CSGALNACT1: variants seen among roughly 807,000 people sequenced by gnomAD.
CSGALNACT1 encodes chondroitin sulfate N-acetylgalactosaminyltransferase 1.
Under a neutral mutation model 51.0 loss-of-function variants are expected in CSGALNACT1, and 52 were observed. That is an observed-to-expected ratio of 1.02 (90% confidence interval 0.82 to 1.29). CSGALNACT1 has a LOEUF of 1.29. Among genes scored for constraint, CSGALNACT1 ranks in the 50% most tolerant of loss-of-function variants. The pLI is 0.00. For missense variants in CSGALNACT1, 935 were observed against 679.2 expected, an observed-to-expected ratio of 1.38 and a Z score of -4.19; for synonymous variants, 341 against 254.4, an observed-to-expected ratio of 1.34 and a Z score of -3.24.
intron 5 of CSGALNACT1, among the ~76,000 whole-genome samples, chr8:19,454,027 T>G (rs4409408): frequency 0.46 from 69,611 of 152,076 alleles, 17,753 homozygotes; most frequent in East Asian, 0.86. Context: ...TCAGGCATTC[T>G]GGCAAAAGCC....
At chr8:19,635,370 C>A (rs558960044) in intron 1 of CSGALNACT1, among the ~76,000 whole-genome samples, 4 of 152,210 alleles carry the variant, frequency 2.6e-5, no homozygotes, top group African/African-American at 7.2e-5. Context: ...GTGTGTTGCC[C>A]TCACTTTAGA....
chr8:19,614,481 C>CA (rs2052720120), intron 1 of CSGALNACT1, among the ~76,000 whole-genome samples: 1 of 152,094 alleles, frequency 6.6e-6, no homozygotes, highest in Non-Finnish European at 1.5e-5. Flanking sequence ...ACTGAGTTAT[C>CA]AATACACAGA....
intron 1 of CSGALNACT1, among the ~76,000 whole-genome samples, chr8:19,609,360 T>C (rs1048238118): frequency 6.7e-6 from 1 of 148,786 alleles, no homozygotes; most frequent in African/African-American, 2.5e-5. Flanking sequence ...GCATACTAGA[T>C]AATGAAGTTT....
At chr8:19,423,937 T>C (rs965814879) in intron 6 of CSGALNACT1, among the ~76,000 whole-genome samples, 1 of 152,188 alleles carries the variant, frequency 6.6e-6, no homozygotes. Context: ...ACTGTTTCCA[T>C]GTGGACCATA....
At chr8:19,648,105 G>A (rs1351765611) in intron 1 of CSGALNACT1, among the ~76,000 whole-genome samples, 1 of 152,124 alleles carries the variant, frequency 6.6e-6, no homozygotes, top group African/African-American at 2.4e-5. Flanking sequence ...TGAATATAAT[G>A]ACAATGTGTT....
Position 19,586,294 on chromosome 8 carries a change from G to C in CSGALNACT1, c.-297+4866C>G, listed in dbSNP as rs376201824. 1.4e-4 allele frequency among the ~76,000 whole-genome samples: 21 copies of C among 152,092 alleles called. No homozygotes were observed. In the East Asian group the frequency reaches 2.3e-3, roughly 17 times the overall value. ...GAGTCGCTTGAACCTGTGATGGGGA[G>C]GCTGCAGTGAGCCAAGATCATGCCA... On this transcript the variant is annotated intron_variant, in intron 3 of 9. Transcript: ENST00000454498.
intron 9 of CSGALNACT1, among the ~76,000 whole-genome samples, chr8:19,407,490 C>T (rs1230483119): frequency 2.6e-5 from 4 of 152,146 alleles, no homozygotes; most frequent in Admixed American, 6.5e-5. Context: ...ATACCCAGGT[C>T]GTGCATAATC....
chr8:19,650,585 G>T (rs755505012), intron 1 of CSGALNACT1, among the ~76,000 whole-genome samples: 2 of 152,148 alleles, frequency 1.3e-5, no homozygotes, highest in African/African-American at 4.8e-5. Context: ...CGGGGTCAAC[G>T]TGGTCCTGGT....
intron 1 of CSGALNACT1, among the ~76,000 whole-genome samples, chr8:19,669,158 T>C (rs2059600919): frequency 6.6e-6 from 1 of 152,206 alleles, no homozygotes; most frequent in Admixed American, 6.5e-5. Context: ...AGAAAATAAT[T>C]TAATCATTGA....
intron 3 of CSGALNACT1, among the ~76,000 whole-genome samples, chr8:19,582,361 A>C (rs7839912): frequency 0.033 from 5,077 of 152,316 alleles, 306 homozygotes; most frequent in African/African-American, 0.11. Flanking sequence ...TACAATGTAC[A>C]TTAGCAAAAC....
intron 3 of CSGALNACT1, among the ~76,000 whole-genome samples, chr8:19,538,319 T>C (rs2084254779): frequency 6.6e-6 from 1 of 151,844 alleles, no homozygotes; most frequent in East Asian, 1.9e-4. Flanking sequence ...CAAGATCCTG[T>C]CTGAAAAGGG....
At chr8:19,610,630 C>T (rs2052108280) in intron 1 of CSGALNACT1, among the ~76,000 whole-genome samples, 1 of 152,190 alleles carries the variant, frequency 6.6e-6, no homozygotes, top group Admixed American at 6.6e-5. Context: ...CAGAGTTTGG[C>T]TGGGGCAGTC....
intron 4 of CSGALNACT1, among the ~76,000 whole-genome samples, chr8:19,476,425 A>G (rs1358702361): frequency 6.6e-6 from 1 of 152,140 alleles, no homozygotes; most frequent in Non-Finnish European, 1.5e-5. Flanking sequence ...TATTTTTAGT[A>G]GAGATGGGGT....
chr8:19,536,335 T>C (rs2083740426), intron 3 of CSGALNACT1, among the ~76,000 whole-genome samples: 1 of 110,774 alleles, frequency 9.0e-6, no homozygotes, highest in Non-Finnish European at 1.8e-5. Flanking sequence ...CAAAATTTTG[T>C]AAAAAATGTT....
intron 3 of CSGALNACT1, among the ~76,000 whole-genome samples, chr8:19,581,500 G>A (rs765447038): frequency 4.6e-5 from 7 of 152,098 alleles, no homozygotes; most frequent in African/African-American, 7.2e-5. Context: ...CCTGTCACTC[G>A]GGAGGCTTAG....
intron 3 of CSGALNACT1, among the ~76,000 whole-genome samples, chr8:19,576,672 C>T (rs895619641): frequency 6.6e-6 from 1 of 151,776 alleles, no homozygotes; most frequent in Non-Finnish European, 1.5e-5. Context: ...TCCAGCAGAC[C>T]CCCGACAGGC....
intron 5 of CSGALNACT1, among the ~76,000 whole-genome samples, chr8:19,446,130 G>C (rs1307061337): frequency 6.6e-6 from 1 of 152,144 alleles, no homozygotes; most frequent in Non-Finnish European, 1.5e-5. Context: ...AGCTGAGATG[G>C]TGCCAGTGCA....
At chr8:19,670,227 C>A (rs1386681765) in intron 1 of CSGALNACT1, among the ~76,000 whole-genome samples, 1 of 152,112 alleles carries the variant, frequency 6.6e-6, no homozygotes, top group Non-Finnish European at 1.5e-5. Flanking sequence ...TTTTAAATGA[C>A]CTCCACAGTC....
intron 2 of CSGALNACT1, among the ~76,000 whole-genome samples, chr8:19,596,083 G>C (rs1401174895): frequency 1.3e-5 from 2 of 151,998 alleles, no homozygotes; most frequent in African/African-American, 4.8e-5. Flanking sequence ...GCCTCGGTTG[G>C]TCTTGAACTC....
Sources: gnomAD v4.1 joint callset for allele counts (sites outside exome capture counted in the v4.1 genomes callset) on GRCh38, gnomAD v4.1.1 for gene constraint, MANE v1.5 for transcripts, NCBI Gene and HGNC (gene_info 2026-07-23, HGNC 2026-07-21) for gene names.